Variants in INSR observed in about 807,000 individuals in gnomAD.
INSR encodes insulin receptor, also known as IR.
In INSR, 67 loss-of-function variants were observed where a neutral mutation model predicts 142.6. That is an observed-to-expected ratio of 0.47 (90% CI 0.39 to 0.58). The LOEUF is 0.58. Among genes scored for constraint, INSR ranks in the 20% least tolerant of loss-of-function variants. The pLI is 0.00. For synonymous variants in INSR, 756 were observed against 743.1 expected, an observed-to-expected ratio of 1.02 and a Z score of -0.28; for missense variants, 1,248 against 1,833.2, an observed-to-expected ratio of 0.68 and a Z score of 5.83.
intron 2 of INSR, among the ~76,000 whole-genome samples, chr19:7,222,022 T>C (rs1310166840): frequency 2.1e-5 from 2 of 93,890 alleles, no homozygotes; most frequent in African/African-American, 9.5e-5. Flanking sequence ...CACATGATCC[T>C]CCTAGCAATT....
chr19:7,147,510 G>A (rs1412856094), intron 11 of INSR, among the ~76,000 whole-genome samples: 1 of 152,074 alleles, frequency 6.6e-6, no homozygotes, highest in Non-Finnish European at 1.5e-5. Flanking sequence ...AAGAAGTGAA[G>A]TTTTCTGTTT....
intron 6 of INSR, among the ~76,000 whole-genome samples, chr19:7,170,174 C>A (rs528242335): frequency 1.3e-5 from 2 of 151,984 alleles, no homozygotes; most frequent in Non-Finnish European, 2.9e-5. Context: ...AGATTAGCGG[C>A]GGCATTAGAT....
intron 3 of INSR, among the ~76,000 whole-genome samples, chr19:7,183,263 GGT>G (rs71177167): frequency 0.07 from 10,244 of 146,190 alleles, 414 homozygotes; most frequent in African/African-American, 0.11. Flanking sequence ...GTTGTTTTGT[GGT>G]GTGTGTGTGT....
At chr19:7,224,306 C>T (rs1339541828) in intron 2 of INSR, among the ~76,000 whole-genome samples, 1 of 148,348 alleles carries the variant, frequency 6.7e-6, no homozygotes, top group Non-Finnish European at 1.5e-5. Flanking sequence ...TCATGCAAAT[C>T]TCCGTTTCAG....
intron 11 of INSR, among the ~76,000 whole-genome samples, chr19:7,149,932 AGAAAGAAGGAAG>A (rs879458598): frequency 0.014 from 1,880 of 136,268 alleles, 122 homozygotes; most frequent in East Asian, 0.1. Context: ...AAGGAAAAAA[AGAAAGAAGGAAG>A]GAAGGAAGGA....
chr19:7,271,314 G>A (rs1224644798), intron 1 of INSR, among the ~76,000 whole-genome samples: 1 of 151,946 alleles, frequency 6.6e-6, no homozygotes, highest in East Asian at 1.9e-4. Flanking sequence ...TGGCCAACAC[G>A]GAGAAACCCC....
At chr19:7,169,113 C>T (rs536010380) in intron 6 of INSR, among the ~76,000 whole-genome samples, 10 of 152,300 alleles carry the variant, frequency 6.6e-5, no homozygotes, top group South Asian at 2.1e-4. Context: ...GATGCCTGGC[C>T]GTCCCTTTGC....
chr19:7,293,057 C>T (rs1968539345), intron 1 of INSR, among the ~76,000 whole-genome samples: 2 of 152,162 alleles, frequency 1.3e-5, no homozygotes, highest in African/African-American at 4.8e-5. Flanking sequence ...GGGTGCATAA[C>T]TGTATCTGCC....
Position 7,119,417 on chromosome 19 carries a change from C to T in INSR, c.3794+32G>A, listed in dbSNP as rs1972421600. ...AAGGGCAATACCCTTTCAACGAACA[C>T]CTCACACACCTTAAACCCTTTCTAC... On this transcript the variant is annotated intron_variant, in intron 21 of 21. Coordinates refer to ENST00000302850, the MANE Select transcript of INSR (RefSeq NM_000208.4). The surrounding 1 kb of genome is among the most constrained non-coding windows in gnomAD (Gnocchi z 5.2). The T allele has an allele frequency of 6.2e-7, 1 of 1,613,796 alleles. No individual in the cohort carries two copies. Among genetic ancestry groups the T allele is most frequent in the Non-Finnish European group, 8.5e-7 (1 of 1,179,832 alleles).
chr19:7,261,529 AT>A lies in INSR; in HGVS notation c.652+5815del, dbSNP rs199772990. Among the ~76,000 whole-genome samples, 661 of 147,994 alleles carry A rather than the reference AT, an allele frequency of 4.5e-3. 4 individuals are homozygous for A. Among genetic ancestry groups the A allele is most frequent in the African/African-American group, 0.012 (478 of 40,252 alleles). ...TGTTTTTCTTTTAATTCCCCTAACC[AT>A]TTTTTTTTCTTTTTTTAAAAAATGG... On this transcript the variant is annotated intron_variant, in intron 2 of 21. Transcript: ENST00000302850.
intron 2 of INSR, among the ~76,000 whole-genome samples, chr19:7,240,419 C>T (rs375428738): frequency 1.3e-5 from 2 of 151,420 alleles, no homozygotes; most frequent in East Asian, 1.9e-4. Flanking sequence ...CCCATCTCTA[C>T]AAAAATACAT....
chr19:7,276,553 G>A (rs1299262277), intron 1 of INSR, among the ~76,000 whole-genome samples: 1 of 151,958 alleles, frequency 6.6e-6, no homozygotes, highest in Non-Finnish European at 1.5e-5. Context: ...AGGAGGTCCT[G>A]CCTCAACAAG....
At chr19:7,154,502 T>C (rs185083233) in intron 9 of INSR, among the ~76,000 whole-genome samples, 1,785 of 150,238 alleles carry the variant, frequency 0.012, 73 homozygotes, top group Admixed American at 0.077. Context: ...TGGGGTTTCA[T>C]TGTGTTAGCC....
intron 2 of INSR, among the ~76,000 whole-genome samples, chr19:7,266,270 G>A (rs991030227): frequency 4.6e-5 from 7 of 151,990 alleles, no homozygotes; most frequent in African/African-American, 1.7e-4. Flanking sequence ...TCTGCACCAA[G>A]AGCCTCTGAC....
chr19:7,160,978 G>A (rs764183364), intron 9 of INSR, among the ~76,000 whole-genome samples: 233 of 144,564 alleles, frequency 1.6e-3, no homozygotes, highest in Non-Finnish European at 2.7e-3. Context: ...CCTGGGTGAC[G>A]GAGTGAGACT....
At chr19:7,196,899 T>TC in intron 2 of INSR, among the ~76,000 whole-genome samples, 1 of 152,206 alleles carries the variant, frequency 6.6e-6, no homozygotes. Flanking sequence ...CCCGCGGCTC[T>TC]CCCTATAAGT....
At chr19:7,220,632 G>T (rs775761511) in intron 2 of INSR, among the ~76,000 whole-genome samples, 1 of 151,984 alleles carries the variant, frequency 6.6e-6, no homozygotes, top group Admixed American at 6.6e-5. Flanking sequence ...AGGTAGGTTC[G>T]GTCTTGTTAT....
At chr19:7,170,346 C>A (rs1973987417) in intron 6 of INSR, among the ~76,000 whole-genome samples, 191 bp downstream of exon 6, 1 of 151,758 alleles carries the variant, frequency 6.6e-6, no homozygotes, top group Non-Finnish European at 1.5e-5. Context: ...CCCATTGATT[C>A]TACATGATGG....
At chr19:7,117,536 T>C (rs1246950744) in intron 21 of INSR, 126 bp from the exon 22 acceptor site, 1 of 665,188 alleles carries the variant, frequency 1.5e-6, no homozygotes, top group African/African-American at 1.8e-5. Flanking sequence ...ATGCTGGCTG[T>C]GTGTGTGGAC....
Sources: gnomAD v4.1 joint callset for allele counts (sites outside exome capture counted in the v4.1 genomes callset) on GRCh38, gnomAD v4.1.1 for gene constraint, Gnocchi (gnomAD v3.1) non-coding constraint, MANE v1.5 for transcripts, NCBI Gene and HGNC (gene_info 2026-07-23, HGNC 2026-07-21) for gene names.